Variants in CGREF1 observed in about 807,000 individuals in gnomAD.
CGREF1 encodes the protein cell growth regulator with EF-hand domain 1.
In CGREF1, 16 loss-of-function variants were observed where a neutral mutation model predicts 17.4. The ratio of observed to expected loss-of-function variants is 0.92; its 90% confidence interval spans 0.62 to 1.40. The LOEUF (loss-of-function observed/expected upper bound fraction) is 1.40, where lower values mean the gene tolerates loss of function less well. CGREF1 is among the 40% of genes most tolerant of loss of function. The pLI, the probability that CGREF1 is intolerant of heterozygous loss-of-function variation, is 0.00. For synonymous variants in CGREF1, 142 were observed against 154.6 expected, an observed-to-expected ratio of 0.92 and a Z score of 0.61; for missense variants, 296 against 376.4, an observed-to-expected ratio of 0.79 and a Z score of 1.77.
At chr2:27,107,545 A>G (rs1331553072) in intron 1 of CGREF1, among the ~76,000 whole-genome samples, 2 of 150,066 alleles carry the variant, frequency 1.3e-5, no homozygotes, top group Non-Finnish European at 3.0e-5. Context: ...GAGTCACCGC[A>G]CCCGGCCAGT....
At chr2:27,099,371 T>TG (rs1307998365), downstream of CGREF1, 1 of 1,612,156 alleles carries the variant, frequency 6.2e-7, no homozygotes, top group Non-Finnish European at 8.5e-7. Context: ...GGAGGATGGC[T>TG]GGGGGGACGG....
intron 2 of CGREF1, chr2:27,103,069 T>C: frequency 1.0e-6 from 1 of 985,370 alleles, no homozygotes; most frequent in Non-Finnish European, 1.2e-6. Context: ...GGTGTATCTG[T>C]TGGTTCTGGG....
chr2:27,103,476 G>A (rs1310635244), intron 2 of CGREF1, among the ~76,000 whole-genome samples: 2 of 151,874 alleles, frequency 1.3e-5, no homozygotes, highest in African/African-American at 4.8e-5. Flanking sequence ...GGGTTCAAGC[G>A]ATTCTCTTGC....
chr2:27,107,254 T>TTTTTGTTTTG (rs70953849), intron 1 of CGREF1, among the ~76,000 whole-genome samples: 88,742 of 151,256 alleles, frequency 0.59, 26,470 homozygotes, highest in East Asian at 0.75. Flanking sequence ...GTTCACATTT[T>TTTTTGTTTTG]TTTTGTTTTG....
At chr2:27,117,416 C>T (rs1421171512) in intron 1 of CGREF1, among the ~76,000 whole-genome samples, 1 of 152,172 alleles carries the variant, frequency 6.6e-6, no homozygotes, top group East Asian at 1.9e-4. Flanking sequence ...AAAAATGTCC[C>T]TAACCATTTT....
rs192326137 is a variant in CGREF1, at chr2:27,115,039, A to G, written c.-12+3807T>C. Among the ~76,000 whole-genome samples the G allele has an allele frequency of 7.2e-5, 11 of 152,184 alleles. No homozygotes were observed. The East Asian group carries it at 2.1e-3, about 29-fold the overall frequency. On this transcript the variant is annotated intron_variant, in intron 1 of 5. Transcript: ENST00000402394. The stretch of plus-strand genomic sequence containing the variant: ...CATGAGCTACCATGCTGGGCCCATT[A>G]TCCTTTTAAGCCATTACATTTTGAG...
chr2:27,109,762 G>A (rs1432187072), intron 1 of CGREF1, among the ~76,000 whole-genome samples: 1 of 151,838 alleles, frequency 6.6e-6, no homozygotes, highest in Non-Finnish European at 1.5e-5. Flanking sequence ...GTGCATGCCT[G>A]TAATCCCAGC....
intron 2 of CGREF1, chr2:27,103,096 G>A: frequency 2.0e-6 from 2 of 985,372 alleles, no homozygotes; most frequent in Non-Finnish European, 2.4e-6. Flanking sequence ...AGCTGCTCAG[G>A]ATCTCGTTGT....
intron 2 of CGREF1, 47 bp from the exon 3 acceptor site, chr2:27,102,638 G>C: frequency 3.2e-6 from 5 of 1,558,202 alleles, no homozygotes; most frequent in Non-Finnish European, 4.4e-6. Flanking sequence ...CCTCCCTCAG[G>C]GCCCAGCCTG....
At chr2:27,107,250 A>T (rs921076123) in intron 1 of CGREF1, among the ~76,000 whole-genome samples, 3 of 34,546 alleles carry the variant, frequency 8.7e-5, no homozygotes, top group African/African-American at 3.6e-4. Context: ...TACAGTTCAC[A>T]TTTTTTTTGT....
chr2:27,109,126 T>C (rs557879791), intron 1 of CGREF1, among the ~76,000 whole-genome samples: 2 of 151,932 alleles, frequency 1.3e-5, no homozygotes, highest in South Asian at 4.2e-4. Flanking sequence ...TCCCAGCACT[T>C]TGGGAAGCTG....
At chr2:27,107,480 C>T (rs1003630057) in intron 1 of CGREF1, among the ~76,000 whole-genome samples, 7 of 151,552 alleles carry the variant, frequency 4.6e-5, no homozygotes, top group Non-Finnish European at 1.0e-4. Flanking sequence ...GTCTCAAACT[C>T]CTGACCTCAT....
intron 1 of CGREF1, among the ~76,000 whole-genome samples, chr2:27,117,684 T>G (rs1671633785): frequency 6.6e-6 from 1 of 150,838 alleles, no homozygotes; most frequent in South Asian, 2.1e-4. Flanking sequence ...TGTCTTAACC[T>G]CTCTGAGCCC....
Position 27,101,526 on chromosome 2 carries a change from G to A in CGREF1, c.705C>T (p.Ala235=), listed in dbSNP as rs757150664. ...CCCCAGCTTCCCCTCTGGGCCCAGGGGCATCTCCTTTAGCCTCTGCCTGGC... is the reference window on the plus strand; with the variant it reads ...CCCCAGCTTCCCCTCTGGGCCCAGGAGCATCTCCTTTAGCCTCTGCCTGGC... ...AEGQAEAKGD[A]PGPRGEAGGQ... The change falls in exon 6 of 6, where the codon GCC becomes GCT. Residue 235 remains alanine, a synonymous_variant. Transcript: ENST00000402394. The A allele has an allele frequency of 3.7e-6, 6 of 1,603,020 alleles. No homozygotes were observed. Among genetic ancestry groups the A allele is most frequent in the South Asian group, 1.1e-5 (1 of 90,634 alleles).
chr2:27,111,691 C>T (rs1671392447), intron 1 of CGREF1, among the ~76,000 whole-genome samples: 1 of 152,186 alleles, frequency 6.6e-6, no homozygotes. Flanking sequence ...AGAAGTAGAG[C>T]ACAGCAGCTG....
At chr2:27,102,467 A>G (rs369957520) in intron 3 of CGREF1, 37 bp from the exon 4 acceptor site, 6 of 1,613,366 alleles carry the variant, frequency 3.7e-6, no homozygotes, top group Non-Finnish European at 5.1e-6. Context: ...GGGAGAGGTG[A>G]GTCTGCAGCC....
intron 1 of CGREF1, among the ~76,000 whole-genome samples, chr2:27,115,714 C>T (rs75162653): frequency 0.033 from 5,055 of 152,310 alleles, 203 homozygotes; most frequent in African/African-American, 0.094. Context: ...AGGCCTTCTA[C>T]AATCAGATAT....
Position 27,104,335 on chromosome 2 carries a change from A to G in CGREF1, c.32T>C (p.Leu11Pro). 6.3e-7 allele frequency: 1 copy of G among 1,598,320 alleles called. No homozygotes were observed. The highest frequency in any genetic ancestry group is 1.1e-5 in the South Asian group (1 of 88,298). ...AGCCTGACCCGTGGGGAGCAGCAGCAGGATTAACACTGTCATCGTCAAAGG... is the reference window on the plus strand; with the variant it reads ...AGCCTGACCCGTGGGGAGCAGCAGCGGGATTAACACTGTCATCGTCAAAGG... MLPLTMTVLI[L>P]LLLPTGQAAP... Residue 11 changes from leucine (L) to proline (P), a missense_variant, in exon 2 of 6, where the codon CTG (leucine) becomes CCG (proline). This residue lies in a region of CGREF1 where 247 missense variants were observed against 267.2 expected (regional missense o/e 0.92). Coordinates refer to ENST00000402394, the MANE Select transcript of CGREF1 (RefSeq NM_006569.6).
intron 1 of CGREF1, among the ~76,000 whole-genome samples, chr2:27,112,132 C>G (rs191674025): frequency 6.6e-6 from 1 of 152,262 alleles, no homozygotes; most frequent in East Asian, 1.9e-4. Flanking sequence ...AAAAAATTAG[C>G]TGGGTGTGGT....
Sources: allele counts gnomAD v4.1 joint callset (sites outside exome capture counted in the v4.1 genomes callset), GRCh38; gene constraint gnomAD v4.1.1; regional missense constraint gnomAD v4.1.1; transcripts MANE v1.5; gene names NCBI Gene and HGNC (gene_info 2026-07-23, HGNC 2026-07-21).